The following VAV3 variants were observed in gnomAD, a reference collection of about 807,000 sequenced individuals.
The protein encoded by VAV3 is guanine nucleotide exchange factor VAV3.
Under a neutral mutation model 131.2 loss-of-function variants are expected in VAV3, and 94 were observed. That is an observed-to-expected ratio of 0.72 (90% CI 0.61 to 0.85). VAV3 has a LOEUF of 0.85. Ranked by LOEUF, VAV3 falls within the 40% of genes least tolerant of loss-of-function variation. VAV3 has a pLI of 0.00. For missense variants in VAV3, 939 were observed against 1,002.7 expected (o/e 0.94, Z 0.86); for synonymous variants, 349 against 342.0 (o/e 1.02, Z -0.22).
At chr1:107,775,885 A>C (rs1329823467) in intron 4 of VAV3, among the ~76,000 whole-genome samples, 1 of 152,022 alleles carries the variant, frequency 6.6e-6, no homozygotes, top group Non-Finnish European at 1.5e-5. Flanking sequence ...CACCCCCTCT[A>C]CTCTTCTACT....
chr1:107,702,419 C>T (rs528338356), intron 17 of VAV3, among the ~76,000 whole-genome samples: 123 of 152,220 alleles, frequency 8.1e-4, no homozygotes, highest in Non-Finnish European at 1.6e-3. Flanking sequence ...AGGGAAGAAA[C>T]CAATACTTAC....
chr1:107,602,422 T>C lies in VAV3; in HGVS notation c.2195A>G (p.Glu732Gly). The change falls in exon 24 of 27, where the codon GAA becomes GGA. Residue 732 changes from glutamate to glycine, a missense_variant. Transcript: ENST00000370056. ...LTRDGFFHIA[E>G]NRKFKSLMEL... ...CATTAAACTTTTAAATTTTCTATTTTCTGCAATGTGAAAAAAGCCATCTCT... is the reference window on the plus strand; with the variant it reads ...CATTAAACTTTTAAATTTTCTATTTCCTGCAATGTGAAAAAAGCCATCTCT... 1 of 1,575,760 alleles carries C rather than the reference T, an allele frequency of 6.3e-7. No homozygotes were observed. The highest frequency in any genetic ancestry group is 1.2e-5 in the South Asian group (1 of 84,218).
intron 1 of VAV3, among the ~76,000 whole-genome samples, chr1:107,931,850 G>A (rs1673452436): frequency 6.6e-6 from 1 of 152,190 alleles, no homozygotes; most frequent in Non-Finnish European, 1.5e-5. Flanking sequence ...CTAACTCTCA[G>A]TAATTCAATA....
chr1:107,607,158 G>A (rs1310717549), intron 22 of VAV3, among the ~76,000 whole-genome samples: 1 of 151,780 alleles, frequency 6.6e-6, no homozygotes. Flanking sequence ...GTTTCACTAT[G>A]TTCCAGGCTG....
intron 25 of VAV3, among the ~76,000 whole-genome samples, chr1:107,588,427 G>A (rs1558069173): frequency 6.6e-6 from 1 of 152,182 alleles, no homozygotes; most frequent in Non-Finnish European, 1.5e-5. Context: ...ATTGTCAAAT[G>A]AGGCTAATGT....
intron 1 of VAV3, among the ~76,000 whole-genome samples, chr1:107,957,928 T>C (rs1674893936): frequency 6.6e-6 from 1 of 150,506 alleles, no homozygotes; most frequent in Admixed American, 6.6e-5. Context: ...TGGCAAGCCA[T>C]GGGATTGTAC....
chr1:107,823,277 T>C (rs1266938416), intron 2 of VAV3, among the ~76,000 whole-genome samples: 2 of 152,216 alleles, frequency 1.3e-5, no homozygotes, highest in Admixed American at 6.5e-5. Context: ...TTCTTCCATT[T>C]TCTAAAATGA....
chr1:107,829,556 C>T (rs1668156723), intron 2 of VAV3, among the ~76,000 whole-genome samples: 1 of 152,090 alleles, frequency 6.6e-6, no homozygotes, highest in African/African-American at 2.4e-5. Flanking sequence ...TTTGCACAGA[C>T]CACAGTCCTG....
intron 22 of VAV3, among the ~76,000 whole-genome samples, chr1:107,604,691 C>G (rs1426754188): frequency 6.6e-6 from 1 of 152,174 alleles, no homozygotes; most frequent in Admixed American, 6.5e-5. Flanking sequence ...ACTACCTACT[C>G]CATTATTCTC....
intron 2 of VAV3, among the ~76,000 whole-genome samples, chr1:107,799,507 T>C (rs550457207): frequency 6.6e-6 from 1 of 152,138 alleles, no homozygotes; most frequent in Non-Finnish European, 1.5e-5. Context: ...TAGAATAATA[T>C]GTAAATTAAT....
chr1:107,718,522 G>A (rs1661266061), intron 15 of VAV3, among the ~76,000 whole-genome samples: 1 of 152,120 alleles, frequency 6.6e-6, no homozygotes, highest in Non-Finnish European at 1.5e-5. Context: ...ATGTCTTCAA[G>A]GAGAACTACA....
intron 15 of VAV3, among the ~76,000 whole-genome samples, chr1:107,735,429 T>C (rs528338084): frequency 5.4e-4 from 82 of 152,214 alleles, no homozygotes; most frequent in Non-Finnish European, 7.9e-4. Context: ...GCTGGTTTTC[T>C]GAAAAGATCA....
chr1:107,960,472 AAAAAG>A (rs984436948), intron 1 of VAV3, among the ~76,000 whole-genome samples: 5 of 151,968 alleles, frequency 3.3e-5, no homozygotes, highest in Non-Finnish European at 5.9e-5. Context: ...TCTCAAAAAA[AAAAAG>A]AAAAGAAAAG....
At chr1:107,827,281 T>C (rs933386828) in intron 2 of VAV3, among the ~76,000 whole-genome samples, 3 of 152,136 alleles carry the variant, frequency 2.0e-5, no homozygotes, top group African/African-American at 7.2e-5. Context: ...GTTCTTCCCT[T>C]CTCTCAAATC....
At position 107,654,133 on chromosome 1, in the gene VAV3, G is replaced by A. The variant is rs573682620; in HGVS notation, c.1778-11378C>T. ...AAAAAGCACTTTGTTACCCACTAAC[G>A]GTGGAATCTTTGATTGACCAAGAAA... On this transcript the variant is annotated intron_variant, in intron 19 of 26. Transcript: ENST00000370056. Among the ~76,000 whole-genome samples the A allele has an allele frequency of 7.2e-4, 109 of 152,152 alleles. 2 individuals carry two copies. The highest frequency in any genetic ancestry group is 2.3e-3 in the African/African-American group (95 of 41,554).
At chr1:107,928,221 C>T (rs345303) in intron 1 of VAV3, among the ~76,000 whole-genome samples, 92,191 of 151,974 alleles carry the variant, frequency 0.61, 29,846 homozygotes, top group Middle Eastern at 0.76. Context: ...GGGGTGCCTC[C>T]TAATGCAGAT....
rs1675343107 is a variant in VAV3 at position 107,964,752 on chromosome 1, C to CTT, written c.117_118insAA (p.Gly40LysfsTer19). The CTT allele has an allele frequency of 1.1e-5, 18 of 1,614,012 alleles. No homozygotes were observed. The highest frequency in any genetic ancestry group is 1.5e-5 in the Non-Finnish European group (18 of 1,180,028). On this transcript the variant is annotated frameshift_variant, in exon 1 of 27. Coordinates refer to ENST00000370056, the MANE Select transcript of VAV3 (RefSeq NM_006113.5). LOFTEE classifies it high-confidence loss of function. The stretch of plus-strand genomic sequence containing the variant: ...TTAAGCAGCTGGCAGAGCAGGACTC[C>CTT]ATCGCGGAGGGTCTGCGCAAGGTCG...
chr1:107,642,605 T>G lies in VAV3; in HGVS notation c.1914+14A>C, dbSNP rs775102183. The G allele has an allele frequency of 1.1e-5, 18 of 1,611,240 alleles. No individual in the cohort carries two copies. In the Admixed American group the frequency reaches 3.0e-4, roughly 27 times the overall value. ...GGGGTCTGCATCAGGACCCCTTTCCTGCAACAACAGTACCTGCCAAAACAG... is the reference window on the plus strand; with the variant it reads ...GGGGTCTGCATCAGGACCCCTTTCCGGCAACAACAGTACCTGCCAAAACAG... On this transcript the variant is annotated intron_variant, in intron 20 of 26. Transcript: ENST00000370056.
At chr1:107,955,090 TA>T (rs1674743229) in intron 1 of VAV3, among the ~76,000 whole-genome samples, 1 of 152,224 alleles carries the variant, frequency 6.6e-6, no homozygotes, top group Admixed American at 6.5e-5. Flanking sequence ...GGGCACTTGT[TA>T]TAAGCCAGTC....
Sources: gnomAD v4.1 joint callset for allele counts (sites outside exome capture counted in the v4.1 genomes callset) on GRCh38, gnomAD v4.1.1 for gene constraint, MANE v1.5 for transcripts, NCBI Gene and HGNC (gene_info 2026-07-23, HGNC 2026-07-21) for gene names.